The following HERC3 variants were observed in gnomAD, a reference collection of about 807,000 sequenced individuals.
HERC3 encodes the protein probable E3 ubiquitin-protein ligase HERC3.
Under a neutral mutation model 129.9 loss-of-function variants are expected in HERC3, and 58 were observed. The ratio of observed to expected loss-of-function variants is 0.45; its 90% CI spans 0.36 to 0.56. HERC3 has a LOEUF of 0.56. HERC3 is among the 20% of genes least tolerant of loss of function. The pLI is 0.00. For missense variants in HERC3, 835 were observed against 1,244.2 expected (o/e 0.67, Z 4.95); for synonymous variants, 430 against 451.0 (o/e 0.95, Z 0.59).
At position 88,623,817 on chromosome 4, in the gene HERC3, C is replaced by T. The variant is rs547125587; in HGVS notation, c.226+17768C>T. ...ATCAACTTTATTTAGATAATTTACA[C>T]GCAGTAGGAGTCACCAATTTTAAAT... On this transcript the variant is annotated intron_variant, in intron 3 of 25. Coordinates refer to ENST00000402738, the MANE Select transcript of HERC3 (RefSeq NM_014606.3). 5.9e-5 allele frequency among the ~76,000 whole-genome samples: 9 copies of T among 152,204 alleles called. No homozygotes were observed. In the South Asian group the frequency reaches 1.0e-3, roughly 18 times the overall value.
At chr4:88,651,154 G>A (rs1729232645) in intron 4 of HERC3, among the ~76,000 whole-genome samples, 1 of 152,098 alleles carries the variant, frequency 6.6e-6, no homozygotes, top group Non-Finnish European at 1.5e-5. Context: ...AACATTAATG[G>A]CAAAAATATT....
In HERC3 at chr4:88,683,045, G is replaced by T. The variant is rs984048411; in HGVS notation, c.2507+1720G>T. Among the ~76,000 whole-genome samples, 5 of 152,124 alleles carry T rather than the reference G, an allele frequency of 3.3e-5. No individual in the cohort carries two copies. The East Asian group carries it at 5.8e-4, about 18-fold the overall frequency. On this transcript the variant is annotated intron_variant, in intron 21 of 25. Coordinates refer to ENST00000402738, the MANE Select transcript of HERC3 (RefSeq NM_014606.3). ...TGGTGTGAGATGGTATCTCATTGTGGTTTTGATTTGCATTTCTCTGATGGC... is the reference window on the plus strand; with the variant it reads ...TGGTGTGAGATGGTATCTCATTGTGTTTTTGATTTGCATTTCTCTGATGGC...
chr4:88,683,125 T>A, intron 21 of HERC3, among the ~76,000 whole-genome samples: 1 of 152,220 alleles, frequency 6.6e-6, no homozygotes. Context: ...TGTCTTCTTT[T>A]GAGAAGTGTC....
chr4:88,676,533 G>A (rs1732181909), intron 18 of HERC3, 110 bp downstream of exon 18: 1 of 768,100 alleles, frequency 1.3e-6, no homozygotes, highest in Non-Finnish European at 2.2e-6. Flanking sequence ...AAATTCCATT[G>A]TAATTCTTAA....
chr4:88,697,704 T>TGCC (rs1451507874), intron 23 of HERC3: 10 of 1,612,120 alleles, frequency 6.2e-6, no homozygotes, highest in Non-Finnish European at 8.5e-6. Context: ...CCTCCGCCGC[T>TGCC]GCCGCCGCCT....
At chr4:88,694,333 A>G (rs1049130775) in intron 23 of HERC3, among the ~76,000 whole-genome samples, 1 of 152,184 alleles carries the variant, frequency 6.6e-6, no homozygotes, top group Admixed American at 6.5e-5. Flanking sequence ...CATATGATTC[A>G]TAGGAACTCT....
chr4:88,668,197 A>G, intron 14 of HERC3, 116 bp downstream of exon 14: 3 of 774,132 alleles, frequency 3.9e-6, no homozygotes, highest in Non-Finnish European at 4.2e-6. Flanking sequence ...TAATATCCTT[A>G]ACACTTAAAA....
At chr4:88,687,432 A>G in intron 23 of HERC3, 133 bp downstream of exon 23, 1 of 415,148 alleles carries the variant, frequency 2.4e-6, no homozygotes, top group Non-Finnish European at 4.3e-6. Flanking sequence ...GTGATAGGGC[A>G]ATAATTTACA....
At chr4:88,528,235 C>T in the HERC3 span, 706 of 156,854 alleles carry the variant, frequency 4.5e-3, 1 homozygote, top group Middle Eastern at 9.3e-3. Flanking sequence ...ATTTATAGCA[C>T]GAAGTTCTAA....
chr4:88,681,288 T>C lies in HERC3; in HGVS notation c.2470T>C (p.Leu824=), dbSNP rs772090744. 6.2e-7 allele frequency: 1 copy of C among 1,613,740 alleles called. No homozygotes were observed. The highest frequency in any genetic ancestry group is 8.5e-7 in the Non-Finnish European group (1 of 1,179,896). The change falls in exon 21 of 26, where the codon TTG becomes CTG. Residue 824 remains leucine, a synonymous_variant. Transcript: ENST00000402738. ...GAAGTTACTCAATGTAAAGCCTGGCTTGGAAGACTTAAAGGAGTTGTCACC... is the reference window on the plus strand; with the variant it reads ...GAAGTTACTCAATGTAAAGCCTGGCCTGGAAGACTTAAAGGAGTTGTCACC... The part of the protein sequence containing the change: ...YKKLLNVKPG[L]EDLKELSPTE...
chr4:88,583,069 A>C, the HERC3 span, among the ~76,000 whole-genome samples: 9 of 152,292 alleles, frequency 5.9e-5, no homozygotes, highest in Admixed American at 2.6e-4. Context: ...TCCAGAGGGA[A>C]AGTTTAAAAT....
At chr4:88,669,149 A>G (rs1462063465) in intron 14 of HERC3, among the ~76,000 whole-genome samples, 1 of 152,210 alleles carries the variant, frequency 6.6e-6, no homozygotes, top group East Asian at 1.9e-4. Context: ...AGTATGCTAC[A>G]GGTAGTCACC....
the HERC3 span, among the ~76,000 whole-genome samples, chr4:88,534,584 A>C: frequency 0.059 from 8,932 of 152,112 alleles, 592 homozygotes; most frequent in East Asian, 0.28. Context: ...TTTTTTCCCC[A>C]AACGTCTACC....
At chr4:88,614,256 T>A (rs895961204) in intron 3 of HERC3, among the ~76,000 whole-genome samples, 3 of 152,204 alleles carry the variant, frequency 2.0e-5, no homozygotes, top group Non-Finnish European at 4.4e-5. Context: ...AGGTCAGTAT[T>A]ATTATCCAAG....
At chr4:88,663,284 GAGAGCATTAGAAACGCCCT>G (rs1297095708) in intron 11 of HERC3, among the ~76,000 whole-genome samples, 1 of 152,158 alleles carries the variant, frequency 6.6e-6, no homozygotes, top group Non-Finnish European at 1.5e-5. Flanking sequence ...TTGTGAGTGA[GAGAGCATTAGAAACGCCCT>G]AGAGCAGCTC....
the HERC3 span, among the ~76,000 whole-genome samples, chr4:88,560,897 AT>A: frequency 2.6e-5 from 4 of 152,218 alleles, no homozygotes; most frequent in Non-Finnish European, 4.4e-5. Flanking sequence ...GTGACTGTAT[AT>A]GCTTGGATGT....
the HERC3 span, among the ~76,000 whole-genome samples, chr4:88,535,931 T>C: frequency 6.6e-6 from 1 of 152,232 alleles, no homozygotes; most frequent in Non-Finnish European, 1.5e-5. Context: ...GATAGAAAGA[T>C]GGGAGTGCAT....
At chr4:88,689,532 CAAAAAAA>C (rs34892852) in intron 23 of HERC3, among the ~76,000 whole-genome samples, 1 of 103,662 alleles carries the variant, frequency 9.6e-6, no homozygotes, top group Non-Finnish European at 2.0e-5. Context: ...CCGCCCCCGC[CAAAAAAA>C]AAAAAAAAAT....
intron 23 of HERC3, among the ~76,000 whole-genome samples, chr4:88,701,140 T>C (rs1430949128): frequency 6.6e-6 from 1 of 152,218 alleles, no homozygotes; most frequent in African/African-American, 2.4e-5. Context: ...AAAAATGTCA[T>C]TAGTTTAGTG....
Sources: gnomAD v4.1 joint callset for allele counts (sites outside exome capture counted in the v4.1 genomes callset) on GRCh38, gnomAD v4.1.1 for gene constraint, MANE v1.5 for transcripts, NCBI Gene and HGNC (gene_info 2026-07-23, HGNC 2026-07-21) for gene names.